PRDM5: variants seen among roughly 807,000 people sequenced by gnomAD.
PRDM5 encodes PR/SET domain 5, also known as PR domain zinc finger protein 5.
In PRDM5, 56 loss-of-function variants were observed where a neutral mutation model predicts 81.2. The ratio of observed to expected loss-of-function variants is 0.69; its 90% CI spans 0.56 to 0.86. The LOEUF is 0.86. Ranked by LOEUF, PRDM5 falls within the 40% of genes least tolerant of loss-of-function variation. The pLI, the probability that PRDM5 is intolerant of heterozygous loss-of-function variation, is 0.00. For missense variants in PRDM5, 697 were observed against 770.1 expected (o/e 0.91, Z 1.12); for synonymous variants, 267 against 256.4 (o/e 1.04, Z -0.39).
rs545983322 is a variant in PRDM5 at position 120,728,749 on chromosome 4, C to T, written c.1624-18336G>A. Among the ~76,000 whole-genome samples the T allele has an allele frequency of 1.2e-4, 19 of 152,204 alleles. No individual in the cohort carries two copies. The South Asian group carries it at 3.1e-3, about 25-fold the overall frequency. ...CTTTTAATATTCATATTTTAAAATGCTCTAGAAAAGAACTGAGGTTACAAG... is the reference window on the plus strand; with the variant it reads ...CTTTTAATATTCATATTTTAAAATGTTCTAGAAAAGAACTGAGGTTACAAG... On this transcript the variant is annotated intron_variant, in intron 14 of 15. Coordinates refer to ENST00000264808, the MANE Select transcript of PRDM5 (RefSeq NM_018699.4).
At chr4:120,911,002 T>C (rs1280586161) in intron 1 of PRDM5, among the ~76,000 whole-genome samples, 1 of 152,208 alleles carries the variant, frequency 6.6e-6, no homozygotes, top group Admixed American at 6.5e-5. Context: ...CTTTGACTTG[T>C]GATTTCTTTG....
intron 10 of PRDM5, among the ~76,000 whole-genome samples, chr4:120,794,396 T>C (rs1377978440): frequency 6.6e-6 from 1 of 152,088 alleles, no homozygotes; most frequent in Non-Finnish European, 1.5e-5. Context: ...CATGATATTT[T>C]TAGAAACTTG....
intron 13 of PRDM5, among the ~76,000 whole-genome samples, chr4:120,771,283 G>A (rs1285796695): frequency 1.3e-5 from 2 of 152,128 alleles, no homozygotes; most frequent in Non-Finnish European, 2.9e-5. Context: ...AAATAAGGCA[G>A]TGTAAATATT....
chr4:120,862,269 A>C (rs545858878), intron 2 of PRDM5, among the ~76,000 whole-genome samples: 1 of 152,350 alleles, frequency 6.6e-6, no homozygotes, highest in African/African-American at 2.4e-5. Flanking sequence ...GTGCTATGAA[A>C]AGCCACAGAT....
intron 14 of PRDM5, among the ~76,000 whole-genome samples, chr4:120,736,392 T>C (rs974179131): frequency 1.3e-5 from 2 of 152,158 alleles, no homozygotes; most frequent in African/African-American, 4.8e-5. Flanking sequence ...ACTAGTGGGC[T>C]TGCTGGATCA....
intron 15 of PRDM5, among the ~76,000 whole-genome samples, chr4:120,697,067 A>G (rs139672403): frequency 6.0e-4 from 92 of 152,314 alleles, no homozygotes; most frequent in African/African-American, 2.1e-3. Flanking sequence ...TACAAAGTAT[A>G]TAAATTATAA....
chr4:120,847,987 T>C (rs528536508), intron 3 of PRDM5, among the ~76,000 whole-genome samples: 11 of 152,210 alleles, frequency 7.2e-5, no homozygotes, highest in Non-Finnish European at 1.5e-4. Flanking sequence ...GCTCTGATTC[T>C]GAAATTTTAC....
At chr4:120,802,810 C>T (rs1413827180) in intron 8 of PRDM5, among the ~76,000 whole-genome samples, 1 of 152,148 alleles carries the variant, frequency 6.6e-6, no homozygotes, top group African/African-American at 2.4e-5. Context: ...TTCTCCCCCT[C>T]CAAAGGAACG....
At chr4:120,703,801 G>C (rs546850575) in intron 15 of PRDM5, among the ~76,000 whole-genome samples, 4 of 152,112 alleles carry the variant, frequency 2.6e-5, no homozygotes, top group Admixed American at 6.6e-5. Flanking sequence ...TTTAAACCCA[G>C]ACAGTCTGGG....
chr4:120,818,544 A>G lies in PRDM5; in HGVS notation c.476-17T>C, dbSNP rs1400847932. The G allele has an allele frequency of 6.2e-7, 1 of 1,606,974 alleles. No homozygotes were observed. ...CAAGGCGATCTGCACATTCACAAGG[A>G]AACATATTCATGAGACAAAAATTCA... On this transcript the variant is annotated splice_polypyrimidine_tract_variant and intron_variant, in intron 4 of 15. Coordinates refer to ENST00000264808, the MANE Select transcript of PRDM5 (RefSeq NM_018699.4).
At chr4:120,859,099 T>A (rs1326468153) in intron 2 of PRDM5, among the ~76,000 whole-genome samples, 1 of 152,186 alleles carries the variant, frequency 6.6e-6, no homozygotes, top group Non-Finnish European at 1.5e-5. Flanking sequence ...TATTTTGCAA[T>A]CATAAGGTAT....
chr4:120,912,043 G>T (rs562679714), intron 1 of PRDM5, among the ~76,000 whole-genome samples: 1 of 152,146 alleles, frequency 6.6e-6, no homozygotes, highest in East Asian at 1.9e-4. Context: ...ATAAATAAAG[G>T]GGGAATATTT....
chr4:120,884,209 G>A (rs1217997589), intron 2 of PRDM5, among the ~76,000 whole-genome samples: 2 of 152,048 alleles, frequency 1.3e-5, no homozygotes, highest in Non-Finnish European at 2.9e-5. Context: ...ATATCAGCAA[G>A]AGTGAATACA....
chr4:120,778,077 A>G (rs550492105), intron 12 of PRDM5, among the ~76,000 whole-genome samples: 33 of 152,154 alleles, frequency 2.2e-4, no homozygotes, highest in Non-Finnish European at 3.7e-4. Flanking sequence ...CTCAAGTCCC[A>G]GTGTTTCTCA....
intron 13 of PRDM5, among the ~76,000 whole-genome samples, chr4:120,765,053 T>C (rs1287510899): frequency 6.6e-6 from 1 of 152,138 alleles, no homozygotes; most frequent in Non-Finnish European, 1.5e-5. Context: ...TATTTAAAGC[T>C]ATTGTTTTTA....
intron 8 of PRDM5, among the ~76,000 whole-genome samples, chr4:120,810,121 C>G (rs930778703): frequency 6.6e-6 from 1 of 152,070 alleles, no homozygotes; most frequent in African/African-American, 2.4e-5. Flanking sequence ...CATCCTAAAA[C>G]CTCCTCCCCC....
At chr4:120,823,254 T>C (rs966365501) in intron 3 of PRDM5, among the ~76,000 whole-genome samples, 7 of 152,328 alleles carry the variant, frequency 4.6e-5, no homozygotes, top group African/African-American at 1.2e-4. Context: ...TAAAACATGA[T>C]ACCATTAACT....
chr4:120,788,731 C>G (rs114081783), intron 10 of PRDM5, among the ~76,000 whole-genome samples: 1 of 152,294 alleles, frequency 6.6e-6, no homozygotes, highest in African/African-American at 2.4e-5. Context: ...GCCACAACAT[C>G]TAGATATTGG....
chr4:120,867,980 C>T (rs986847441), intron 2 of PRDM5, among the ~76,000 whole-genome samples: 1 of 152,218 alleles, frequency 6.6e-6, no homozygotes, highest in Non-Finnish European at 1.5e-5. Context: ...TGAACTCCTT[C>T]AAGACAGATT....
Sources: gnomAD v4.1 joint callset for allele counts (sites outside exome capture counted in the v4.1 genomes callset) on GRCh38, gnomAD v4.1.1 for gene constraint, MANE v1.5 for transcripts, NCBI Gene and HGNC (gene_info 2026-07-23, HGNC 2026-07-21) for gene names.